The following ZMIZ2 variants were observed in gnomAD, a reference collection of about 807,000 sequenced individuals.
The protein encoded by ZMIZ2 is zinc finger MIZ-type containing 2, also known as zinc finger MIZ domain-containing protein 2.
ZMIZ2 carries 26 observed loss-of-function variants against 93.9 expected under a neutral mutation model. The observed-to-expected ratio is 0.28, with a 90% CI of 0.20 to 0.38. ZMIZ2 has a LOEUF of 0.38. Among genes scored for constraint, ZMIZ2 ranks in the 10% least tolerant of loss-of-function variants. The probability of loss-of-function intolerance (pLI) is 1.00; values close to 1 mark genes in which losing one functional copy is unlikely to be tolerated. For synonymous variants in ZMIZ2, 485 were observed against 516.4 expected (o/e 0.94, Z 0.82); for missense variants, 1,023 against 1,235.0 (o/e 0.83, Z 2.57).
chr7:44,766,670 A>T lies in ZMIZ2; in HGVS notation c.2655+7A>T, dbSNP rs1407794378. The T allele has an allele frequency of 4.3e-6, 7 of 1,612,300 alleles. No individual in the cohort carries two copies. Among genetic ancestry groups the T allele is most frequent in the Non-Finnish European group, 5.9e-6 (7 of 1,179,520 alleles). On this transcript the variant is annotated splice_region_variant and intron_variant, in intron 18 of 18. Coordinates refer to ENST00000309315, the MANE Select transcript of ZMIZ2 (RefSeq NM_031449.4). The surrounding 1 kb of genome is among the most constrained non-coding windows in gnomAD (Gnocchi z 4.4). ...CCCAGAACCAGCTCTGGACGTGAGT[A>T]CCAGGCCCCATGCGGGGGAGTGCGT... is the stretch of plus-strand genomic sequence containing the variant.
Position 44,767,656 on chromosome 7 carries a change from G to C in ZMIZ2, c.*33G>C. On this transcript the variant is annotated 3_prime_UTR_variant, in exon 19 of 19. Coordinates refer to ENST00000309315, the MANE Select transcript of ZMIZ2 (RefSeq NM_031449.4). Reference sequence around the variant, plus strand: ...TTTACCCCAAGCCCGGCGGGGACACGCTCACAGATGTCACCACAGCCCTGC... The same window carrying C: ...TTTACCCCAAGCCCGGCGGGGACACCCTCACAGATGTCACCACAGCCCTGC... 2 of 1,570,152 alleles carry C rather than the reference G, an allele frequency of 1.3e-6. No individual in the cohort carries two copies. The highest frequency in any genetic ancestry group is 1.8e-6 in the Non-Finnish European group (2 of 1,140,852).
chr7:44,757,128 G>A lies in ZMIZ2; in HGVS notation c.347G>A (p.Gly116Glu), dbSNP rs199769612. The A allele has an allele frequency of 1.0e-4, 166 of 1,595,556 alleles. No homozygotes were observed. The highest frequency in any genetic ancestry group is 1.4e-4 in the Non-Finnish European group (162 of 1,176,082). ...GTGTACAGCCGCGGGGGCTACCCTGGGGCCCCCGGCTTCACCACCGGGTAA... is the reference window on the plus strand; with the variant it reads ...GTGTACAGCCGCGGGGGCTACCCTGAGGCCCCCGGCTTCACCACCGGGTAA... ...QGVYSRGGYP[G>E]APGFTTGYAG... Residue 116 changes from glycine (G) to glutamate (E), a missense_variant, in exon 4 of 19, where the codon GGG becomes GAG. Around this residue, in one of 3 missense-constraint regions of ZMIZ2, gnomAD observed 656 missense variants for 777.1 expected, o/e 0.84. Transcript: ENST00000309315.
chr7:44,756,880 C>G (rs1790643466), intron 3 of ZMIZ2, 67 bp from the exon 4 acceptor site: 1 of 1,595,358 alleles, frequency 6.3e-7, no homozygotes, highest in Non-Finnish European at 8.6e-7. Context: ...GTTTCTAGCA[C>G]TTTGGAGCTG....
At position 44,765,458 on chromosome 7, in the gene ZMIZ2, C is replaced by G. The variant is rs1397370997; in HGVS notation, c.2121C>G (p.Ser707Arg). 3 of 1,605,814 alleles carry G rather than the reference C, an allele frequency of 1.9e-6. No individual in the cohort carries two copies. The African/African-American group carries it at 4.0e-5, about 21-fold the overall frequency. Residue 707 changes from serine to arginine, a missense_variant, in exon 16 of 19, where the codon AGC becomes AGG. Ser to Arg is a moderately radical substitution (Grantham distance 110). Coordinates refer to ENST00000309315, the MANE Select transcript of ZMIZ2 (RefSeq NM_031449.4). The surrounding 1 kb of genome is among the most constrained non-coding windows in gnomAD (Gnocchi z 4.1). ...GPALKRCRTVSPAHVLMPSVM... is the reference protein window; with the variant it reads ...GPALKRCRTVRPAHVLMPSVM... ...CACTGAAGCGCTGCCGCACCGTGAG[C>G]CCCGCCCACGTGCTCATGCCCAGCG... is the stretch of plus-strand genomic sequence containing the variant.
At chr7:44,758,471 CAAAAAAA>C (rs554628430) in intron 6 of ZMIZ2, among the ~76,000 whole-genome samples, 4 of 69,022 alleles carry the variant, frequency 5.8e-5, no homozygotes, top group Admixed American at 1.7e-4. Context: ...GACCCTGTTT[CAAAAAAA>C]AAAAAAAAAA....
chr7:44,766,057 G>A lies in ZMIZ2; in HGVS notation c.2243-107G>A, dbSNP rs2116898294. The A allele has an allele frequency of 1.4e-6, 2 of 1,480,048 alleles. No homozygotes were observed. Among genetic ancestry groups the A allele is most frequent in the South Asian group, 2.8e-5 (2 of 71,092 alleles). 91.7% of individuals were successfully genotyped at this position (1,480,048 alleles called of 1,614,324 possible). Reference sequence around the variant, plus strand: ...CTGCAAAACCCGCTGTTGTTTGTGGGTGAGCACTGCAAGTCCCACCCATGC... The same window carrying A: ...CTGCAAAACCCGCTGTTGTTTGTGGATGAGCACTGCAAGTCCCACCCATGC... On this transcript the variant is annotated intron_variant, in intron 16 of 18. Coordinates refer to ENST00000309315, the MANE Select transcript of ZMIZ2 (RefSeq NM_031449.4). The surrounding 1 kb of genome is among the most constrained non-coding windows in gnomAD (Gnocchi z 4.4).
Position 44,766,691 on chromosome 7 carries a change from T to A in ZMIZ2, c.2655+28T>A. Reference sequence around the variant, plus strand: ...GAGTACCAGGCCCCATGCGGGGGAGTGCGTGGGAGCCAGGGCTAGAGGTGG... The same window carrying A: ...GAGTACCAGGCCCCATGCGGGGGAGAGCGTGGGAGCCAGGGCTAGAGGTGG... On this transcript the variant is annotated intron_variant, in intron 18 of 18. Transcript: ENST00000309315. This position sits in a 1 kb window ranked among gnomAD's most constrained non-coding sequence, Gnocchi z 4.4. 6.2e-7 allele frequency: 1 copy of A among 1,607,642 alleles called. No homozygotes were observed. Among genetic ancestry groups the A allele is most frequent in the Non-Finnish European group, 8.5e-7 (1 of 1,176,588 alleles).
chr7:44,756,043 C>T lies in ZMIZ2; in HGVS notation c.-62-145C>T, dbSNP rs957375669. 37 of 655,750 alleles carry T rather than the reference C, an allele frequency of 5.6e-5. No homozygotes were observed. In the Admixed American group the frequency reaches 8.6e-4, roughly 15 times the overall value. 40.6% of individuals were successfully genotyped at this position (655,750 alleles called of 1,614,324 possible). ...TGAGTGGGGTGGGTCAGTACTAGGC[C>T]CCTCCACTGCCTTGCCTGCCATCAG... is the stretch of plus-strand genomic sequence containing the variant. On this transcript the variant is annotated intron_variant, in intron 1 of 18. Coordinates refer to ENST00000309315, the MANE Select transcript of ZMIZ2 (RefSeq NM_031449.4).
In ZMIZ2 at chr7:44,766,128, C is replaced by G. The variant is rs754335414; in HGVS notation, c.2243-36C>G. 1.0e-5 allele frequency: 16 copies of G among 1,566,878 alleles called. No individual in the cohort carries two copies. The highest frequency in any genetic ancestry group is 1.3e-5 in the Non-Finnish European group (15 of 1,160,020). ...GCTCCTCTGCCAGCGGTGGCCTTCC[C>G]CAGCCCTCACCCAGGCCCCGACTCT... On this transcript the variant is annotated intron_variant, in intron 16 of 18. Transcript: ENST00000309315. This position sits in a 1 kb window ranked among gnomAD's most constrained non-coding sequence, Gnocchi z 4.4.
intron 3 of ZMIZ2, 67 bp from the exon 4 acceptor site, chr7:44,756,880 C>A: frequency 1.3e-6 from 2 of 1,595,356 alleles, no homozygotes; most frequent in Admixed American, 1.8e-5. Flanking sequence ...GTTTCTAGCA[C>A]TTTGGAGCTG....
rs1791698621 is a variant in ZMIZ2 at position 44,766,275 on chromosome 7, C to T, written c.2354C>T (p.Ser785Phe). ...TPGPPPISYQ[S>F]DIPSSLLTSE... ...GGACCACCCCCCATCTCCTACCAGT[C>T]TGACATTCCCAGCAGCCTCCTGACT... The change falls in exon 17 of 19, where the codon TCT (serine) becomes TTT (phenylalanine). Residue 785 changes from serine (S) to phenylalanine (F), a missense_variant. By Grantham distance (155) the Ser-to-Phe change is radical. Coordinates refer to ENST00000309315, the MANE Select transcript of ZMIZ2 (RefSeq NM_031449.4). This position sits in a 1 kb window ranked among gnomAD's most constrained non-coding sequence, Gnocchi z 4.4. 1 of 1,599,762 alleles carries T rather than the reference C, an allele frequency of 6.3e-7. No individual in the cohort carries two copies. The highest frequency in any genetic ancestry group is 8.5e-7 in the Non-Finnish European group (1 of 1,173,048).
At chr7:44,757,677 G>A (rs1790731612) in intron 5 of ZMIZ2, 116 bp downstream of exon 5, 1 of 1,423,594 alleles carries the variant, frequency 7.0e-7, no homozygotes, top group Admixed American at 2.7e-5. Flanking sequence ...GGCTCATGAA[G>A]CCAGTAAAAG....
chr7:44,748,750 CCCCGAGCGCCGGCT>C (rs1789846145), upstream of ZMIZ2: 1 of 151,184 alleles, frequency 6.6e-6, no homozygotes, highest in Non-Finnish European at 1.5e-5. Flanking sequence ...GCCGCCCCCG[CCCCGAGCGCCGGCT>C]CGGGGCTCTG....
In ZMIZ2 at chr7:44,766,209, C is replaced by A; in HGVS notation, c.2288C>A (p.Pro763His). The A allele has an allele frequency of 6.2e-7, 1 of 1,607,758 alleles. No individual in the cohort carries two copies. The highest frequency in any genetic ancestry group is 8.5e-7 in the Non-Finnish European group (1 of 1,175,810). Reference protein sequence around the residue: ...GPGTFPESFPPTTPSTPTLAE... With the variant: ...GPGTFPESFPHTTPSTPTLAE... ...GGAACTTTCCCTGAGTCCTTCCCAC[C>A]CACCACGCCCAGCACCCCAACCCTT... The change falls in exon 17 of 19, where the codon CCC (proline) becomes CAC (histidine). Residue 763 changes from proline (P) to histidine (H), a missense_variant. By Grantham distance (77) the Pro-to-His change is moderately conservative. Coordinates refer to ENST00000309315, the MANE Select transcript of ZMIZ2 (RefSeq NM_031449.4). The surrounding 1 kb of genome is among the most constrained non-coding windows in gnomAD (Gnocchi z 4.4).
intron 11 of ZMIZ2, among the ~76,000 whole-genome samples, chr7:44,762,146 G>A (rs767592961): frequency 3.9e-5 from 6 of 152,282 alleles, no homozygotes; most frequent in Admixed American, 2.0e-4. Flanking sequence ...TGGAGAGCAG[G>A]ACGTGGGGGC....
rs774370950 is a variant in ZMIZ2, at chr7:44,762,924, G to T, written c.1640G>T (p.Arg547Leu). Residue 547 changes from arginine (R) to leucine (L), a missense_variant, in exon 12 of 19, where the codon CGC becomes CTC. Around this residue, in one of 3 missense-constraint regions of ZMIZ2, gnomAD observed 656 missense variants for 777.1 expected, o/e 0.84. Coordinates refer to ENST00000309315, the MANE Select transcript of ZMIZ2 (RefSeq NM_031449.4). Reference sequence around the variant, plus strand: ...CAGCTAGTGCACCGCCCATCCGTCCGCTCGGTGCTGCAGGGCCTCCTCAAA... The same window carrying T: ...CAGCTAGTGCACCGCCCATCCGTCCTCTCGGTGCTGCAGGGCCTCCTCAAA... ...VLQLVHRPSV[R>L]SVLQGLLKKR... 6.2e-7 allele frequency: 1 copy of T among 1,612,756 alleles called. No individual in the cohort carries two copies. Among genetic ancestry groups the T allele is most frequent in the Non-Finnish European group, 8.5e-7 (1 of 1,179,164 alleles).
intron 1 of ZMIZ2, among the ~76,000 whole-genome samples, chr7:44,754,511 C>A (rs1583613327): frequency 6.6e-6 from 1 of 152,178 alleles, no homozygotes; most frequent in Admixed American, 6.5e-5. Context: ...TGCTTAGACT[C>A]CCCAGGCAGA....
chr7:44,760,160 C>A lies in ZMIZ2; in HGVS notation c.1003C>A (p.Gln335Lys), dbSNP rs764835380. The part of the protein sequence containing the change: ...PTGLHYKPTE[Q>K]FNGQGASFNG... ...GTTTTCTCTCCCGCAGCCCACAGAG[C>A]AGTTCAACGGGCAGGGCGCCAGCTT... is the stretch of plus-strand genomic sequence containing the variant. The change falls in exon 8 of 19, where the codon CAG becomes AAG. Residue 335 changes from glutamine to lysine, a missense_variant. Physicochemically the swap from Gln to Lys is moderately conservative, Grantham distance 53. Transcript: ENST00000309315. The A allele has an allele frequency of 2.5e-6, 4 of 1,613,826 alleles. No individual in the cohort carries two copies. Among genetic ancestry groups the A allele is most frequent in the Non-Finnish European group, 3.4e-6 (4 of 1,180,000 alleles).
In ZMIZ2 at chr7:44,763,096, T is replaced by G. The variant is rs1274315199; in HGVS notation, c.1702+110T>G. On this transcript the variant is annotated intron_variant, in intron 12 of 18. Transcript: ENST00000309315. The surrounding 1 kb of genome is among the most constrained non-coding windows in gnomAD (Gnocchi z 5.6). ...CCTCGTGTCACACCAGGCCTTCTCC[T>G]TGGACAGGTGGCTCTGCAGTAGGGG... is the stretch of plus-strand genomic sequence containing the variant. 1.1e-5 allele frequency: 16 copies of G among 1,437,814 alleles called. No individual in the cohort carries two copies. The highest frequency in any genetic ancestry group is 1.8e-4 in the Middle Eastern group (1 of 5,538). The allele number at this position is 1,437,814 out of a possible 1,614,324, so 89.1% of individuals were successfully genotyped here.
Sources: allele counts gnomAD v4.1 joint callset (sites outside exome capture counted in the v4.1 genomes callset), GRCh38; gene constraint gnomAD v4.1.1; regional missense constraint gnomAD v4.1.1; non-coding constraint Gnocchi (gnomAD v3.1); transcripts MANE v1.5; gene names NCBI Gene and HGNC (gene_info 2026-07-23, HGNC 2026-07-21).